The following OR56A3 variants were observed in gnomAD, a reference collection of about 807,000 sequenced individuals.
The protein encoded by OR56A3 is olfactory receptor family 56 subfamily A member 3.
OR56A3 carries 23 observed loss-of-function variants against 17.5 expected under a neutral mutation model. That is an observed-to-expected ratio of 1.32 (90% CI 0.95 to 1.87). The LOEUF (loss-of-function observed/expected upper bound fraction) is 1.87, where lower values mean the gene tolerates loss of function less well. Among genes scored for constraint, OR56A3 ranks in the 40% most tolerant of loss-of-function variants. OR56A3 has a pLI of 0.00. For synonymous variants in OR56A3, 175 were observed against 150.6 expected, an observed-to-expected ratio of 1.16 and a Z score of -1.19; for missense variants, 366 against 380.1, an observed-to-expected ratio of 0.96 and a Z score of 0.31.
chr11:6,014,726 T>A, the OR56A3 span, among the ~76,000 whole-genome samples: 1 of 152,102 alleles, frequency 6.6e-6, no homozygotes, highest in African/African-American at 2.4e-5. Context: ...TAGAGATTTG[T>A]TAAATTTTTG....
the OR56A3 span, among the ~76,000 whole-genome samples, chr11:5,972,974 T>C: frequency 6.6e-6 from 1 of 152,162 alleles, no homozygotes; most frequent in Non-Finnish European, 1.5e-5. Flanking sequence ...CTCCTAAACA[T>C]TCTCTTATTC....
In OR56A3 at chr11:5,950,526, G is replaced by C. The variant is rs1392530190; in HGVS notation, c.*2232G>C. ...ACTATGGTTTTATCTCACCAAAATA[G>C]GTAATATTAGTGAGGATTTCCTCTA... On this transcript the variant is annotated 3_prime_UTR_variant, in exon 3 of 3. Transcript: ENST00000641160. 2 of 152,090 alleles carry C rather than the reference G, an allele frequency of 1.3e-5. 1 individual carries two copies. 9.4% of individuals were successfully genotyped at this position (152,090 alleles called of 1,614,324 possible).
the OR56A3 span, among the ~76,000 whole-genome samples, chr11:5,981,311 G>T: frequency 2.0e-5 from 3 of 152,140 alleles, no homozygotes; most frequent in African/African-American, 7.2e-5. Flanking sequence ...TCAGTCATAG[G>T]TTTGGTCTCT....
In OR56A3 at chr11:5,947,622, C is replaced by T. The variant is rs1346015582; in HGVS notation, c.276C>T (p.Asp92=). 1.2e-6 allele frequency: 2 copies of T among 1,614,214 alleles called. No homozygotes were observed. Among genetic ancestry groups the T allele is most frequent in the African/African-American group, 1.3e-5 (1 of 75,040 alleles). The change falls in exon 3 of 3, where the codon GAC becomes GAT. Residue 92 remains aspartate, a synonymous_variant. Transcript: ENST00000641160. ...AGGTCCTGACCATCTTCTGGTTTGA[C>T]CTCAGGCCCATCAGCTTCCCTGCCT... ...IPKVLTIFWF[D]LRPISFPACF...
chr11:5,978,608 C>A, the OR56A3 span, among the ~76,000 whole-genome samples: 7 of 151,498 alleles, frequency 4.6e-5, no homozygotes, highest in East Asian at 1.9e-4. Context: ...GATTTAGGGG[C>A]CTTTAGGCAG....
the OR56A3 span, among the ~76,000 whole-genome samples, chr11:5,978,189 T>C: frequency 1.3e-5 from 2 of 152,172 alleles, no homozygotes; most frequent in African/African-American, 2.4e-5. Flanking sequence ...GCTATTCAGG[T>C]TCTTTTTGGT....
chr11:6,000,372 C>G, the OR56A3 span: 10 of 152,280 alleles, frequency 6.6e-5, 1 homozygote, highest in Admixed American at 1.3e-4. Flanking sequence ...GACAAAAAAC[C>G]AAACACCGCA....
At chr11:6,003,021 C>T in the OR56A3 span, 1 of 1,614,096 alleles carries the variant, frequency 6.2e-7, no homozygotes, top group Admixed American at 1.7e-5. Flanking sequence ...TCTGGAGACC[C>T]AGTGTACCTT....
chr11:5,977,774 A>G, the OR56A3 span, among the ~76,000 whole-genome samples: 28 of 152,308 alleles, frequency 1.8e-4, no homozygotes, highest in South Asian at 5.2e-3. Flanking sequence ...TCTTCATCAT[A>G]AAATATTTGC....
At chr11:5,953,255 T>C (rs571343940), downstream of OR56A3, among the ~76,000 whole-genome samples, 3 of 152,300 alleles carry the variant, frequency 2.0e-5, no homozygotes, top group Admixed American at 2.0e-4. Flanking sequence ...CTGAACTAAT[T>C]TACATTCCCA....
chr11:5,980,783 T>G, the OR56A3 span, among the ~76,000 whole-genome samples: 1 of 152,228 alleles, frequency 6.6e-6, no homozygotes, highest in Non-Finnish European at 1.5e-5. Context: ...ATAGTCTATG[T>G]ACTTAAGTGT....
At chr11:5,957,069 G>A in the OR56A3 span, among the ~76,000 whole-genome samples, 16 of 152,122 alleles carry the variant, frequency 1.1e-4, no homozygotes, top group East Asian at 3.9e-4. Context: ...CAGGAGAATC[G>A]CTTGAACCTG....
the OR56A3 span, among the ~76,000 whole-genome samples, chr11:6,003,395 T>C: frequency 1.3e-5 from 2 of 152,230 alleles, no homozygotes; most frequent in Non-Finnish European, 2.9e-5. Context: ...ACTTTACTAA[T>C]ATTTACTTTA....
the OR56A3 span, among the ~76,000 whole-genome samples, chr11:6,010,954 G>A: frequency 6.6e-6 from 1 of 151,874 alleles, no homozygotes; most frequent in Admixed American, 6.6e-5. Context: ...TCCTCCCCTT[G>A]TGAGTATTCA....
At chr11:5,995,135 A>G in the OR56A3 span, 1 of 574,756 alleles carries the variant, frequency 1.7e-6, no homozygotes, top group Non-Finnish European at 3.2e-6. Context: ...TTGGTGGAGA[A>G]GGTGGAGTGA....
chr11:6,006,201 T>C, the OR56A3 span: 5 of 152,332 alleles, frequency 3.3e-5, no homozygotes, highest in African/African-American at 1.2e-4. Flanking sequence ...GTAGCACTGA[T>C]AGATTCTTCC....
In OR56A3 at chr11:5,948,042, C is replaced by T. The variant is rs779614131; in HGVS notation, c.696C>T (p.Leu232=). 2 of 1,614,114 alleles carry T rather than the reference C, an allele frequency of 1.2e-6. No homozygotes were observed. The highest frequency in any genetic ancestry group is 2.7e-5 in the African/African-American group (2 of 74,940). Reference sequence around the variant, plus strand: ...TCATTCTGCGAGCTGTGCTGAGACTCAAGGCAGAGGGTGCCGTGGCAAAGG... The same window carrying T: ...TCATTCTGCGAGCTGTGCTGAGACTTAAGGCAGAGGGTGCCGTGGCAAAGG... The part of the protein sequence containing the change: ...YTFILRAVLR[L]KAEGAVAKAL... The change falls in exon 3 of 3, where the codon CTC becomes CTT. Residue 232 remains leucine, a synonymous_variant. Coordinates refer to ENST00000641160, the MANE Select transcript of OR56A3 (RefSeq NM_001003443.3).
At chr11:5,952,693 T>C (rs974391903), downstream of OR56A3, among the ~76,000 whole-genome samples, 2 of 152,120 alleles carry the variant, frequency 1.3e-5, no homozygotes, top group African/African-American at 4.8e-5. Flanking sequence ...TTGTGCCAGG[T>C]TTGTCACCTG....
At chr11:5,997,097 C>T in the OR56A3 span, among the ~76,000 whole-genome samples, 1 of 152,142 alleles carries the variant, frequency 6.6e-6, no homozygotes, top group African/African-American at 2.4e-5. Context: ...CTGTCATAGA[C>T]AAGAATGAAC....
Sources: allele counts gnomAD v4.1 joint callset (sites outside exome capture counted in the v4.1 genomes callset), GRCh38; gene constraint gnomAD v4.1.1; transcripts MANE v1.5; gene names NCBI Gene and HGNC (gene_info 2026-07-23, HGNC 2026-07-21).